Variants in DST observed in about 807,000 individuals in gnomAD.
DST encodes dystonin.
A neutral mutation model predicts 875.2 loss-of-function variants in DST; 253 were observed. That is an observed-to-expected ratio of 0.29 (90% CI 0.26 to 0.32). The LOEUF (loss-of-function observed/expected upper bound fraction) is 0.32, where lower values mean the gene tolerates loss of function less well. Among genes scored for constraint, DST ranks in the 10% least tolerant of loss-of-function variants. The pLI is 1.00. For missense variants in DST, 8,287 were observed against 9,111.6 expected, an observed-to-expected ratio of 0.91 and a Z score of 3.68; for synonymous variants, 3,124 against 3,197.1, an observed-to-expected ratio of 0.98 and a Z score of 0.77.
intron 88 of DST, 42 bp downstream of exon 88, chr6:56,485,270 A>G (rs748402689): frequency 6.2e-7 from 1 of 1,608,046 alleles, no homozygotes. Context: ...TACACTCAGA[A>G]TAATCAAACA....
At chr6:56,687,635 G>T (rs2099196873) in intron 9 of DST, among the ~76,000 whole-genome samples, 1 of 152,088 alleles carries the variant, frequency 6.6e-6, no homozygotes, top group Non-Finnish European at 1.5e-5. Context: ...CTACAGTCAA[G>T]CAAAAGCAAA....
At chr6:56,758,604 G>C (rs1282442461) in intron 4 of DST, among the ~76,000 whole-genome samples, 1 of 152,226 alleles carries the variant, frequency 6.6e-6, no homozygotes, top group Non-Finnish European at 1.5e-5. Context: ...CAGCTGGGTG[G>C]CTTGACCACT....
intron 9 of DST, among the ~76,000 whole-genome samples, chr6:56,675,228 T>C (rs748155993): frequency 7.9e-5 from 12 of 152,284 alleles, no homozygotes; most frequent in East Asian, 5.8e-4. Context: ...TATTAGACCC[T>C]TATCTCACAC....
At chr6:56,769,678 G>A (rs748483495) in intron 4 of DST, among the ~76,000 whole-genome samples, 6 of 152,120 alleles carry the variant, frequency 3.9e-5, no homozygotes, top group Non-Finnish European at 7.3e-5. Flanking sequence ...CTAGCCACGT[G>A]TAGTGGCAGG....
chr6:56,828,965 T>G (rs891829509), intron 4 of DST, among the ~76,000 whole-genome samples: 2 of 152,186 alleles, frequency 1.3e-5, no homozygotes, highest in Non-Finnish European at 2.9e-5. Flanking sequence ...ACTTCAAAGC[T>G]GAAGACCACA....
intron 1 of DST, 143 bp downstream of exon 1, chr6:56,954,264 G>A: frequency 2.0e-6 from 1 of 507,390 alleles, no homozygotes; most frequent in South Asian, 2.0e-5. Context: ...GGCAAGGGGC[G>A]TTAAAGAAAC....
intron 5 of DST, among the ~76,000 whole-genome samples, chr6:56,711,974 C>T (rs2099365823): frequency 6.7e-6 from 1 of 149,794 alleles, no homozygotes; most frequent in Admixed American, 6.6e-5. Flanking sequence ...GCCTGTAGTC[C>T]CAGCTACTCG....
chr6:56,572,844 G>A lies in DST; in HGVS notation c.13457C>T (p.Ser4486Leu), dbSNP rs1361025605. The part of the protein sequence containing the change: ...KTKVELFENL[S>L]EKLQTFLETK... ...TTCTAAAAATGTCTGGAGCTTTTCT[G>A]AGAGGTTCTCAAACAGTTCTACTTT... Residue 4486 changes from serine to leucine, a missense_variant, in exon 52 of 104, where the codon TCA becomes TTA. Physicochemically the swap from Ser to Leu is moderately radical, Grantham distance 145. Transcript: ENST00000680361. The A allele has an allele frequency of 1.1e-5, 17 of 1,612,624 alleles. No homozygotes were observed. The highest frequency in any genetic ancestry group is 1.4e-5 in the Non-Finnish European group (17 of 1,179,526).
At chr6:56,740,243 C>T (rs551324046) in intron 4 of DST, among the ~76,000 whole-genome samples, 15 of 152,296 alleles carry the variant, frequency 9.8e-5, no homozygotes, top group African/African-American at 3.4e-4. Flanking sequence ...GATCCAAGAA[C>T]CCTCTCTTGG....
At chr6:56,725,100 G>A (rs1007663701) in intron 5 of DST, among the ~76,000 whole-genome samples, 2 of 152,170 alleles carry the variant, frequency 1.3e-5, no homozygotes, top group African/African-American at 4.8e-5. Context: ...GGCCTAGAAA[G>A]GTTCAAAGTC....
chr6:56,801,757 T>TTC (rs1488123555), intron 4 of DST, among the ~76,000 whole-genome samples: 2 of 150,678 alleles, frequency 1.3e-5, no homozygotes, highest in African/African-American at 2.4e-5. Context: ...ATTTTTTTTT[T>TTC]TTTTTTTTTT....
intron 4 of DST, among the ~76,000 whole-genome samples, chr6:56,773,811 A>G (rs1357792203): frequency 1.3e-5 from 2 of 152,172 alleles, no homozygotes; most frequent in Non-Finnish European, 2.9e-5. Context: ...TCTACTCTAG[A>G]TCAGTCTTCC....
At chr6:56,868,538 C>T (rs934783907) in intron 3 of DST, among the ~76,000 whole-genome samples, 1 of 152,078 alleles carries the variant, frequency 6.6e-6, no homozygotes, top group African/African-American at 2.4e-5. Context: ...ATACCCTCTC[C>T]CAATGCCACA....
chr6:56,607,855 C>A lies in DST; in HGVS notation c.6773G>T (p.Gly2258Val), dbSNP rs765073265. 17 of 1,613,602 alleles carry A rather than the reference C, an allele frequency of 1.1e-5. No individual in the cohort carries two copies. Among genetic ancestry groups the A allele is most frequent in the Middle Eastern group, 1.6e-4 (1 of 6,062 alleles). Reference sequence around the variant, plus strand: ...ACCTGAAGCATTATTAAGAAATACACCAGATGAGCTTAAGACATCGAGACA... The same window carrying A: ...ACCTGAAGCATTATTAAGAAATACAACAGATGAGCTTAAGACATCGAGACA... ...KECLDVLSSS[G>V]VFLNNASGRE... The change falls in exon 40 of 104, where the codon GGT (glycine) becomes GTT (valine). Residue 2258 changes from glycine to valine, a missense_variant. Around this residue, in one of 10 missense-constraint regions of DST, gnomAD observed 3,138 missense variants for 3,116.6 expected, o/e 1.01. Transcript: ENST00000680361.
Position 56,487,089 on chromosome 6 carries a change from T to C in DST, c.21047+15A>G. ...GGTCTACAGAGTAACCAAACTGTCT[T>C]AAAGAACATTTTACCTTTCCACAGA... On this transcript the variant is annotated intron_variant, in intron 87 of 103. Transcript: ENST00000680361. 1.2e-6 allele frequency: 2 copies of C among 1,613,304 alleles called. No homozygotes were observed. Among genetic ancestry groups the C allele is most frequent in the Non-Finnish European group, 1.7e-6 (2 of 1,179,492 alleles).
chr6:56,586,291 G>A (rs1448347353), intron 49 of DST, among the ~76,000 whole-genome samples: 1 of 151,514 alleles, frequency 6.6e-6, no homozygotes, highest in African/African-American at 2.4e-5. Context: ...TGTATTGGGT[G>A]CATATATATT....
At chr6:56,471,833 T>C in intron 94 of DST, 1 of 547,254 alleles carries the variant, frequency 1.8e-6, no homozygotes, top group South Asian at 2.1e-5. Context: ...AACATAATCA[T>C]TTTTTTTACT....
intron 9 of DST, among the ~76,000 whole-genome samples, chr6:56,684,224 T>C (rs1311611782): frequency 6.6e-6 from 1 of 152,230 alleles, no homozygotes; most frequent in Admixed American, 6.5e-5. Context: ...AAAGTTGACT[T>C]AGATATTCCC....
intron 86 of DST, among the ~76,000 whole-genome samples, chr6:56,488,384 G>A (rs1297803441): frequency 1.3e-5 from 2 of 152,160 alleles, no homozygotes; most frequent in African/African-American, 4.8e-5. Context: ...ATTCTGTTTT[G>A]AGAAGGAAGC....
Sources: allele counts gnomAD v4.1 joint callset (sites outside exome capture counted in the v4.1 genomes callset), GRCh38; gene constraint gnomAD v4.1.1; regional missense constraint gnomAD v4.1.1; transcripts MANE v1.5; gene names NCBI Gene and HGNC (gene_info 2026-07-23, HGNC 2026-07-21).